The following MACROD2 variants were observed in gnomAD, a reference collection of about 807,000 sequenced individuals.
MACROD2 encodes mono-ADP ribosylhydrolase 2, also known as ADP-ribose glycohydrolase MACROD2.
A neutral mutation model predicts 70.4 loss-of-function variants in MACROD2; 36 were observed. The observed-to-expected ratio is 0.51, with a 90% CI of 0.39 to 0.68. MACROD2 has a LOEUF of 0.68. MACROD2 is among the 30% of genes least tolerant of loss of function. The probability of loss-of-function intolerance (pLI) is 0.00; values close to 1 mark genes in which losing one functional copy is unlikely to be tolerated. For missense variants in MACROD2, 496 were observed against 538.4 expected (o/e 0.92, Z 0.78); for synonymous variants, 172 against 178.8 (o/e 0.96, Z 0.30).
intron 7 of MACROD2, among the ~76,000 whole-genome samples, chr20:15,440,993 G>A (rs991377229): frequency 6.6e-6 from 1 of 152,144 alleles, no homozygotes; most frequent in Non-Finnish European, 1.5e-5. Context: ...TAGAATCAGT[G>A]TAACTTACTT....
At chr20:14,020,668 G>A (rs1212424162) in intron 2 of MACROD2, among the ~76,000 whole-genome samples, 1 of 152,106 alleles carries the variant, frequency 6.6e-6, no homozygotes, top group Admixed American at 6.5e-5. Flanking sequence ...TTTATTGATT[G>A]ATTGAGTACT....
intron 7 of MACROD2, among the ~76,000 whole-genome samples, chr20:15,470,511 C>T (rs1434864134): frequency 6.6e-6 from 1 of 152,180 alleles, no homozygotes; most frequent in African/African-American, 2.4e-5. Context: ...TATGTCATCT[C>T]CCTGCCACCT....
intron 3 of MACROD2, among the ~76,000 whole-genome samples, chr20:14,191,304 T>A (rs2081386314): frequency 6.6e-6 from 1 of 152,124 alleles, no homozygotes; most frequent in African/African-American, 2.4e-5. Context: ...ATCCAACAGA[T>A]TGATTCCAGA....
At position 15,185,894 on chromosome 20, in the gene MACROD2, G is replaced by T. The variant is rs572662149; in HGVS notation, c.419-44046G>T. 3.3e-5 allele frequency among the ~76,000 whole-genome samples: 5 copies of T among 152,232 alleles called. No homozygotes were observed. In the East Asian group the frequency reaches 9.6e-4, roughly 29 times the overall value. ...ATATTCAAACTCCTGTCGGGAATTT[G>T]GGGGAGAAAACGTTTAGGAATGCAG... On this transcript the variant is annotated intron_variant, in intron 5 of 17. Coordinates refer to ENST00000684519, the MANE Select transcript of MACROD2 (RefSeq NM_001351661.2).
At chr20:15,943,676 A>C (rs2065781333) in intron 12 of MACROD2, among the ~76,000 whole-genome samples, 1 of 152,156 alleles carries the variant, frequency 6.6e-6, no homozygotes, top group Non-Finnish European at 1.5e-5. Context: ...TCAGAGAAGG[A>C]GAGAGGAAAA....
At chr20:15,146,793 AC>A (rs1180077526) in intron 5 of MACROD2, among the ~76,000 whole-genome samples, 1 of 152,162 alleles carries the variant, frequency 6.6e-6, no homozygotes, top group Admixed American at 6.5e-5. Context: ...ACCATGAAAG[AC>A]CAAGATGAGG....
intron 8 of MACROD2, among the ~76,000 whole-genome samples, chr20:15,636,014 G>A (rs1291751637): frequency 1.4e-5 from 2 of 138,958 alleles, no homozygotes; most frequent in African/African-American, 5.2e-5. Context: ...GTTGCAGTGA[G>A]CTGAGATTGT....
chr20:14,351,768 T>C (rs887505518), intron 3 of MACROD2, among the ~76,000 whole-genome samples: 3 of 152,160 alleles, frequency 2.0e-5, no homozygotes, highest in African/African-American at 7.2e-5. Context: ...GACTTTCAGT[T>C]CTATGTTGAA....
intron 5 of MACROD2, among the ~76,000 whole-genome samples, chr20:14,735,450 A>G (rs1401572060): frequency 6.6e-6 from 1 of 152,170 alleles, no homozygotes; most frequent in East Asian, 1.9e-4. Context: ...ATACCTCTTC[A>G]CACCCCTGAT....
intron 5 of MACROD2, among the ~76,000 whole-genome samples, chr20:14,827,155 A>G (rs886983490): frequency 6.6e-6 from 1 of 152,048 alleles, no homozygotes; most frequent in African/African-American, 2.4e-5. Flanking sequence ...CTGTTATGGA[A>G]CTACTTTGCG....
rs1468433818 is a variant in MACROD2, at chr20:15,088,420, T to A, written c.419-141520T>A. Reference sequence around the variant, plus strand: ...TTTTATATATATATATATATATATATATATATATATATATATATATATATA... The same window carrying A: ...TTTTATATATATATATATATATATAAATATATATATATATATATATATATA... On this transcript the variant is annotated intron_variant, in intron 5 of 17. Transcript: ENST00000684519. Among the ~76,000 whole-genome samples, 122 of 31,378 alleles carry A rather than the reference T, an allele frequency of 3.9e-3. 3 individuals are homozygous for A. The highest frequency in any genetic ancestry group is 9.4e-3 in the African/African-American group (106 of 11,336). The allele number at this position is 31,378 out of a possible 152,430, so 20.6% of individuals were successfully genotyped here. A position where few individuals can be genotyped will look rare whatever the true frequency, so the allele number is the denominator to read the frequency against.
chr20:14,608,795 A>T (rs905859689), intron 4 of MACROD2, among the ~76,000 whole-genome samples: 1 of 152,164 alleles, frequency 6.6e-6, no homozygotes, highest in African/African-American at 2.4e-5. Flanking sequence ...GGGTAGAGGG[A>T]CTGGAGGATA....
At chr20:14,869,567 C>G (rs1454494589) in intron 5 of MACROD2, among the ~76,000 whole-genome samples, 1 of 152,128 alleles carries the variant, frequency 6.6e-6, no homozygotes, top group Non-Finnish European at 1.5e-5. Context: ...CTGTCAACCT[C>G]TCTCCCTCTT....
rs1374260377 is a variant in MACROD2, at chr20:15,338,394, AC to A, written c.541-93010del. On this transcript the variant is annotated intron_variant, in intron 6 of 17. Transcript: ENST00000684519. ...TGCTAGCTCCCTCCCCAAGGCCTCC[AC>A]TTCAAAGTGCCCTGCTGCCATAGCG... is the stretch of plus-strand genomic sequence containing the variant. 5.3e-5 allele frequency among the ~76,000 whole-genome samples: 8 copies of A among 151,452 alleles called. 1 individual carries two copies. The highest frequency in any genetic ancestry group is 2.0e-4 in the African/African-American group (8 of 40,866).
At chr20:14,287,114 C>A (rs1033957510) in intron 3 of MACROD2, among the ~76,000 whole-genome samples, 1 of 152,156 alleles carries the variant, frequency 6.6e-6, no homozygotes. Flanking sequence ...TCCTATCCTA[C>A]TCTCTTCAAT....
chr20:15,429,223 G>A (rs970574354), intron 6 of MACROD2, among the ~76,000 whole-genome samples: 5 of 152,126 alleles, frequency 3.3e-5, no homozygotes, highest in Non-Finnish European at 5.9e-5. Flanking sequence ...CAGAGTCTGT[G>A]TTACACTGTT....
In MACROD2 at chr20:15,191,931, T is replaced by TATAGAGAGAG. The variant is rs150210305; in HGVS notation, c.419-38008_419-38007insTAGAGAGAGA. On this transcript the variant is annotated intron_variant, in intron 5 of 17. Transcript: ENST00000684519. ...ACACATATGTGTATATATATATATA[T>TATAGAGAGAG]AGAGAGAGAGAGAGTTAATACATAT... Among the ~76,000 whole-genome samples, 886 of 142,368 alleles carry TATAGAGAGAG rather than the reference T, an allele frequency of 6.2e-3. 27 individuals carry two copies. The highest frequency in any genetic ancestry group is 0.016 in the African/African-American group (618 of 38,238). 93.4% of individuals were successfully genotyped at this position (142,368 alleles called of 152,430 possible).
intron 8 of MACROD2, among the ~76,000 whole-genome samples, chr20:15,528,582 G>A (rs531031615): frequency 7.5e-4 from 114 of 152,306 alleles, no homozygotes; most frequent in African/African-American, 2.5e-3. Flanking sequence ...TGCCAAGAAG[G>A]CTGGCTACCA....
At chr20:14,135,512 T>G (rs1351477452) in intron 3 of MACROD2, among the ~76,000 whole-genome samples, 4 of 152,022 alleles carry the variant, frequency 2.6e-5, no homozygotes, top group African/African-American at 9.7e-5. Flanking sequence ...TACAATTTTT[T>G]TTTTTAAATA....
Sources: allele counts gnomAD v4.1 joint callset (sites outside exome capture counted in the v4.1 genomes callset), GRCh38; gene constraint gnomAD v4.1.1; transcripts MANE v1.5; gene names NCBI Gene and HGNC (gene_info 2026-07-23, HGNC 2026-07-21).